SH3TC1: variants seen among roughly 807,000 people sequenced by gnomAD.
SH3TC1 encodes the protein SH3 domain and tetratricopeptide repeats 1, also known as SH3 domain and tetratricopeptide repeat-containing protein 1.
SH3TC1 carries 135 observed loss-of-function variants against 117.3 expected under a neutral mutation model. The observed-to-expected ratio is 1.15, with a 90% CI of 1.00 to 1.33. The LOEUF is 1.33. Among genes scored for constraint, SH3TC1 ranks in the 40% most tolerant of loss-of-function variants. The pLI is 0.00. For synonymous variants in SH3TC1, 898 were observed against 816.9 expected, an observed-to-expected ratio of 1.10 and a Z score of -1.69; for missense variants, 2,092 against 1,794.3, an observed-to-expected ratio of 1.17 and a Z score of -3.00.
At position 8,225,988 on chromosome 4, in the gene SH3TC1, C is replaced by T. The variant is rs527584641; in HGVS notation, c.1285+772C>T. ...GCTGGGAGGGGCTGTTTGCCTCTGC[C>T]GGGCAGGGAGATTTCTTAGCTAATC... On this transcript the variant is annotated intron_variant, in intron 11 of 17. Transcript: ENST00000245105. This position sits in a 1 kb window ranked among gnomAD's most constrained non-coding sequence, Gnocchi z 5.5. 5.3e-5 allele frequency among the ~76,000 whole-genome samples: 8 copies of T among 151,898 alleles called. No individual in the cohort carries two copies. In the East Asian group the frequency reaches 5.8e-4, roughly 11 times the overall value.
intron 13 of SH3TC1, 31 bp downstream of exon 13, chr4:8,232,187 G>GC: frequency 5.0e-6 from 2 of 396,478 alleles, no homozygotes; most frequent in African/African-American, 2.2e-5. Flanking sequence ...GGTGGGGGCG[G>GC]GGGGAGGGGG....
intron 1 of SH3TC1, among the ~76,000 whole-genome samples, chr4:8,191,886 G>C (rs1717426401): frequency 6.6e-6 from 1 of 152,150 alleles, no homozygotes; most frequent in South Asian, 2.1e-4. Flanking sequence ...GAAAGATGAC[G>C]GGGCTGCTCA....
Position 8,232,098 on chromosome 4 carries a change from C to A in SH3TC1, c.3073C>A (p.Leu1025Met), listed in dbSNP as rs749043287. The change falls in exon 13 of 18, where the codon CTG becomes ATG. Residue 1025 changes from leucine (L) to methionine (M), a missense_variant. Coordinates refer to ENST00000245105, the MANE Select transcript of SH3TC1 (RefSeq NM_018986.5). ...GGCCTGCAAGGTGGCCGACAAGGTGCTGGAGGGGCAGCTCCTGGAGACCAT... is the reference window on the plus strand; with the variant it reads ...GGCCTGCAAGGTGGCCGACAAGGTGATGGAGGGGCAGCTCCTGGAGACCAT... ...SLACKVADKV[L>M]EGQLLETISQ... 14 of 1,612,226 alleles carry A rather than the reference C, an allele frequency of 8.7e-6. No homozygotes were observed. The highest frequency in any genetic ancestry group is 1.7e-5 in the Admixed American group (1 of 59,850).
intron 6 of SH3TC1, 130 bp downstream of exon 6, chr4:8,216,387 G>A: frequency 7.2e-7 from 1 of 1,380,782 alleles, no homozygotes; most frequent in Non-Finnish European, 9.7e-7. Flanking sequence ...TGGAGGCTGA[G>A]GGGTGCTTCA....
Position 8,225,876 on chromosome 4 carries a change from T to C in SH3TC1, c.1285+660T>C, listed in dbSNP as rs1351615666. Among the ~76,000 whole-genome samples, 1 of 152,070 alleles carries C rather than the reference T, an allele frequency of 6.6e-6. No individual in the cohort carries two copies. The highest frequency in any genetic ancestry group is 1.5e-5 in the Non-Finnish European group (1 of 67,998). On this transcript the variant is annotated intron_variant, in intron 11 of 17. Transcript: ENST00000245105. The surrounding 1 kb of genome is among the most constrained non-coding windows in gnomAD (Gnocchi z 5.5). ...GGGAAGGGAAGGCTGTTGTAGGTTTTCCTGGGGGAGGGGGTGGATCCACCC... is the reference window on the plus strand; with the variant it reads ...GGGAAGGGAAGGCTGTTGTAGGTTTCCCTGGGGGAGGGGGTGGATCCACCC...
At position 8,219,396 on chromosome 4, in the gene SH3TC1, C is replaced by A; in HGVS notation, c.978C>A (p.Phe326Leu). ...FQGSGPEEMT[F>L]RGGDLIEILG... is the part of the protein sequence containing the mutation. Reference sequence around the variant, plus strand: ...GCTCGGGGCCCGAAGAGATGACCTTCCGAGGTGGCGACCTCATCGAGATCC... The same window carrying A: ...GCTCGGGGCCCGAAGAGATGACCTTACGAGGTGGCGACCTCATCGAGATCC... The change falls in exon 9 of 18, where the codon TTC (phenylalanine) becomes TTA (leucine). Residue 326 changes from phenylalanine (F) to leucine (L), a missense_variant. Transcript: ENST00000245105. The A allele has an allele frequency of 6.2e-7, 1 of 1,610,858 alleles. No homozygotes were observed. The highest frequency in any genetic ancestry group is 8.5e-7 in the Non-Finnish European group (1 of 1,178,256).
chr4:8,196,394 G>C (rs1168949241), upstream of SH3TC1, among the ~76,000 whole-genome samples: 2 of 152,106 alleles, frequency 1.3e-5, no homozygotes, highest in African/African-American at 4.8e-5. This position sits in a 1 kb window ranked among gnomAD's most constrained non-coding sequence, Gnocchi z 4.6. Flanking sequence ...GGGAGAGGAA[G>C]ACCTGGAGGG....
chr4:8,196,984 G>C (rs1717574911), upstream of SH3TC1, among the ~76,000 whole-genome samples: 1 of 152,174 alleles, frequency 6.6e-6, no homozygotes, highest in Non-Finnish European at 1.5e-5. The surrounding 1 kb of genome is among the most constrained non-coding windows in gnomAD (Gnocchi z 4.6). Flanking sequence ...CCAAAAGGTA[G>C]GACCACCCTG....
intron 14 of SH3TC1, among the ~76,000 whole-genome samples, chr4:8,233,760 ATCCATCC>A (rs1367160882): frequency 1.4e-5 from 2 of 145,674 alleles, no homozygotes; most frequent in East Asian, 2.1e-4. Context: ...TCCATCCATC[ATCCATCC>A]ATCCTTCCAT....
intron 1 of SH3TC1, among the ~76,000 whole-genome samples, chr4:8,188,090 G>A (rs750349154): frequency 1.3e-5 from 2 of 152,238 alleles, no homozygotes; most frequent in Non-Finnish European, 2.9e-5. Context: ...TTTCCTGCCA[G>A]GGAATGTATT....
chr4:8,225,144 T>C lies in SH3TC1; in HGVS notation c.1244-31T>C, dbSNP rs199816207. The C allele has an allele frequency of 6.3e-7, 1 of 1,596,148 alleles. No individual in the cohort carries two copies. Among genetic ancestry groups the C allele is most frequent in the South Asian group, 1.1e-5 (1 of 89,438 alleles). Reference sequence around the variant, plus strand: ...GGGGACCAGAGGTACTGGCTGGGGGTGTTGATTGCTTCTCTTTTCTCCCTT... The same window carrying C: ...GGGGACCAGAGGTACTGGCTGGGGGCGTTGATTGCTTCTCTTTTCTCCCTT... On this transcript the variant is annotated intron_variant, in intron 10 of 17. Coordinates refer to ENST00000245105, the MANE Select transcript of SH3TC1 (RefSeq NM_018986.5). The surrounding 1 kb of genome is among the most constrained non-coding windows in gnomAD (Gnocchi z 5.5).
In SH3TC1 at chr4:8,227,223, G is replaced by T; in HGVS notation, c.1529G>T (p.Gly510Val). The T allele has an allele frequency of 1.3e-6, 2 of 1,572,700 alleles. No homozygotes were observed. Among genetic ancestry groups the T allele is most frequent in the Non-Finnish European group, 8.6e-7 (1 of 1,157,130 alleles). ...SSLLLFLNAP[G>V]YKASFRGLYD... is the part of the protein sequence containing the mutation. ...CTGCTGCTGTTCCTGAACGCCCCTG[G>T]GTACAAGGCCAGCTTCCGTGGCCTG... Residue 510 changes from glycine to valine, a missense_variant, in exon 12 of 18, where the codon GGG (glycine) becomes GTG (valine). Physicochemically the swap from Gly to Val is moderately radical, Grantham distance 109. Coordinates refer to ENST00000245105, the MANE Select transcript of SH3TC1 (RefSeq NM_018986.5).
intron 17 of SH3TC1, among the ~76,000 whole-genome samples, chr4:8,238,045 G>A (rs767237952): frequency 6.6e-6 from 1 of 152,144 alleles, no homozygotes; most frequent in Non-Finnish European, 1.5e-5. Context: ...AGGACATTTG[G>A]GGGGATGGCA....
upstream of SH3TC1, among the ~76,000 whole-genome samples, chr4:8,196,652 G>A (rs143222844): frequency 1.0e-3 from 153 of 152,326 alleles, 1 homozygote; most frequent in African/African-American, 3.5e-3. This position sits in a 1 kb window ranked among gnomAD's most constrained non-coding sequence, Gnocchi z 4.6. Context: ...GACAGGGGAG[G>A]CAGAGGGAGC....
At position 8,235,562 on chromosome 4, in the gene SH3TC1, T is replaced by C; in HGVS notation, c.3405+7T>C. 1 of 1,589,458 alleles carries C rather than the reference T, an allele frequency of 6.3e-7. No individual in the cohort carries two copies. Among genetic ancestry groups the C allele is most frequent in the Non-Finnish European group, 8.6e-7 (1 of 1,166,296 alleles). Reference sequence around the variant, plus strand: ...AGCTGTGTCCTTCTACCGGGTGAGCTGGCCTGTGGGCTGATGTGGGTGGGC... The same window carrying C: ...AGCTGTGTCCTTCTACCGGGTGAGCCGGCCTGTGGGCTGATGTGGGTGGGC... On this transcript the variant is annotated splice_region_variant and intron_variant, in intron 15 of 17. Transcript: ENST00000245105.
chr4:8,185,802 A>AT (rs1218296923), intron 1 of SH3TC1, among the ~76,000 whole-genome samples: 1 of 152,238 alleles, frequency 6.6e-6, no homozygotes, highest in African/African-American at 2.4e-5. Context: ...GTCGACAGTC[A>AT]TCTGCAGGGT....
Position 8,228,441 on chromosome 4 carries a change from C to T in SH3TC1, c.2747C>T (p.Ala916Val), listed in dbSNP as rs773689900. 5.9e-5 allele frequency: 95 copies of T among 1,603,854 alleles called. 1 individual carries two copies. In the South Asian group the frequency reaches 8.4e-4, roughly 14 times the overall value. Reference protein sequence around the residue: ...LANFGALCLHAGASRLAQHYL... With the variant: ...LANFGALCLHVGASRLAQHYL... ...AACTTCGGGGCCCTGTGCCTGCATG[C>T]GGGTGCCAGCAGGCTGGCCCAGCAC... The change falls in exon 12 of 18, where the codon GCG (alanine) becomes GTG (valine). Residue 916 changes from alanine to valine, a missense_variant. Coordinates refer to ENST00000245105, the MANE Select transcript of SH3TC1 (RefSeq NM_018986.5).
chr4:8,232,107 C>A lies in SH3TC1; in HGVS notation c.3082C>A (p.Gln1028Lys), dbSNP rs773544323. 6.2e-7 allele frequency: 1 copy of A among 1,612,466 alleles called. No homozygotes were observed. The highest frequency in any genetic ancestry group is 8.5e-7 in the Non-Finnish European group (1 of 1,179,896). Residue 1028 changes from glutamine (Q) to lysine (K), a missense_variant, in exon 13 of 18, where the codon CAG becomes AAG. Coordinates refer to ENST00000245105, the MANE Select transcript of SH3TC1 (RefSeq NM_018986.5). ...CKVADKVLEG[Q>K]LLETISQLYL... The stretch of plus-strand genomic sequence containing the variant: ...GGTGGCCGACAAGGTGCTGGAGGGG[C>A]AGCTCCTGGAGACCATCAGCCAGCT...
At chr4:8,229,409 AGGGGTGAGTGAGTG>A (rs1720908350) in intron 12 of SH3TC1, among the ~76,000 whole-genome samples, 1 of 119,642 alleles carries the variant, frequency 8.4e-6, no homozygotes, top group East Asian at 3.0e-4. Context: ...GTGAGCGAGT[AGGGGTGAGTGAGTG>A]GGGGTGTGAT....
Sources: allele counts gnomAD v4.1 joint callset (sites outside exome capture counted in the v4.1 genomes callset), GRCh38; gene constraint gnomAD v4.1.1; non-coding constraint Gnocchi (gnomAD v3.1); transcripts MANE v1.5; gene names NCBI Gene and HGNC (gene_info 2026-07-23, HGNC 2026-07-21).